The following SGCZ variants were observed in gnomAD, a reference collection of about 807,000 sequenced individuals.
SGCZ encodes sarcoglycan zeta, also known as zeta-sarcoglycan.
A neutral mutation model predicts 41.3 loss-of-function variants in SGCZ; 40 were observed. The observed-to-expected ratio is 0.97, with a 90% CI of 0.75 to 1.26. SGCZ has a LOEUF of 1.26. Among genes scored for constraint, SGCZ ranks in the 50% most tolerant of loss-of-function variants. SGCZ has a pLI of 0.00. For synonymous variants in SGCZ, 206 were observed against 137.5 expected (o/e 1.50, Z -3.49); for missense variants, 552 against 369.8 (o/e 1.49, Z -4.04).
At chr8:14,576,922 T>A (rs1026453020) in intron 1 of SGCZ, among the ~76,000 whole-genome samples, 1 of 152,200 alleles carries the variant, frequency 6.6e-6, no homozygotes, top group Non-Finnish European at 1.5e-5. Context: ...ATGCTCAATT[T>A]GATTACCCGT....
chr8:14,361,632 G>A (rs192165244), intron 2 of SGCZ, among the ~76,000 whole-genome samples: 304 of 152,180 alleles, frequency 2.0e-3, no homozygotes, highest in African/African-American at 6.6e-3. Context: ...AACATGCTCC[G>A]TTAGCTCAGA....
intron 2 of SGCZ, among the ~76,000 whole-genome samples, chr8:14,525,964 G>A (rs1385039301): frequency 6.6e-6 from 1 of 151,714 alleles, no homozygotes; most frequent in African/African-American, 2.4e-5. Flanking sequence ...GATAGTCTAA[G>A]CAAACCTTCA....
At chr8:15,198,924 T>C (rs1479278979) in intron 1 of SGCZ, among the ~76,000 whole-genome samples, 1 of 152,238 alleles carries the variant, frequency 6.6e-6, no homozygotes, top group African/African-American at 2.4e-5. Context: ...TGCAGGCTAA[T>C]GGAAGAGCTC....
chr8:14,809,973 A>C (rs566524918), intron 1 of SGCZ, among the ~76,000 whole-genome samples: 146 of 152,222 alleles, frequency 9.6e-4, no homozygotes, highest in Non-Finnish European at 1.8e-3. Context: ...TCCTTATTTT[A>C]AGAAACTCAA....
rs1412192361 is a variant in SGCZ at position 14,807,264 on chromosome 8, C to G, written c.40-252338G>C. On this transcript the variant is annotated intron_variant, in intron 1 of 7. Transcript: ENST00000382080. Reference sequence around the variant, plus strand: ...GCAGGAGAAAGAAATAAAGGGTATTCAATTAGGAAAAGAGCAAGTCAAATT... The same window carrying G: ...GCAGGAGAAAGAAATAAAGGGTATTGAATTAGGAAAAGAGCAAGTCAAATT... Among the ~76,000 whole-genome samples the G allele has an allele frequency of 5.9e-5, 9 of 152,146 alleles. No individual in the cohort carries two copies. In the East Asian group the frequency reaches 1.4e-3, roughly 23 times the overall value.
chr8:14,867,805 C>T (rs1446558302), intron 1 of SGCZ, among the ~76,000 whole-genome samples: 1 of 151,710 alleles, frequency 6.6e-6, no homozygotes, highest in Non-Finnish European at 1.5e-5. Context: ...GGAAAAATAA[C>T]TAATAGATAC....
rs1215531169 is a variant in SGCZ, at chr8:15,214,661, G to A, written c.39+22924C>T. On this transcript the variant is annotated intron_variant, in intron 1 of 7. Transcript: ENST00000382080. Reference sequence around the variant, plus strand: ...GTTCCCTGAATCGTGGGGAGCTCACGTTACAATTTATCTTCCTAAGGGAGG... The same window carrying A: ...GTTCCCTGAATCGTGGGGAGCTCACATTACAATTTATCTTCCTAAGGGAGG... Among the ~76,000 whole-genome samples the A allele has an allele frequency of 3.9e-5, 6 of 152,214 alleles. No individual in the cohort carries two copies. In the East Asian group the frequency reaches 1.2e-3, roughly 29 times the overall value.
intron 2 of SGCZ, among the ~76,000 whole-genome samples, chr8:14,325,948 T>C (rs765204104): frequency 6.8e-6 from 1 of 147,112 alleles, no homozygotes; most frequent in South Asian, 2.1e-4. Flanking sequence ...CTGTCTCTAC[T>C]AAAAATACAA....
rs185868531 is a variant in SGCZ at position 14,560,366 on chromosome 8, C to A, written c.40-5440G>T. On this transcript the variant is annotated intron_variant, in intron 1 of 7. Transcript: ENST00000382080. ...TATATATGTATAAATTTTTAAAAAG[C>A]AGAATTTTAAAAATGAAGATTAAAG... is the stretch of plus-strand genomic sequence containing the variant. 4.0e-5 allele frequency among the ~76,000 whole-genome samples: 6 copies of A among 151,728 alleles called. No individual in the cohort carries two copies. The East Asian group carries it at 9.7e-4, about 25-fold the overall frequency.
intron 5 of SGCZ, among the ~76,000 whole-genome samples, chr8:14,149,960 C>A (rs1328405725): frequency 2.0e-5 from 3 of 152,100 alleles, no homozygotes; most frequent in African/African-American, 7.2e-5. Flanking sequence ...ATTGGGATAA[C>A]TGGATATCCA....
intron 1 of SGCZ, among the ~76,000 whole-genome samples, chr8:14,899,625 G>A (rs1255229202): frequency 1.3e-5 from 2 of 152,110 alleles, no homozygotes; most frequent in East Asian, 1.9e-4. Context: ...GTAAATTGCT[G>A]TGCTAGGTTC....
Position 14,988,430 on chromosome 8 carries a change from G to C in SGCZ, c.39+249155C>G, listed in dbSNP as rs868363993. Among the ~76,000 whole-genome samples the C allele has an allele frequency of 9.2e-5, 14 of 151,892 alleles. No homozygotes were observed. In the Middle Eastern group the frequency reaches 0.01, roughly 111 times the overall value. Reference sequence around the variant, plus strand: ...ACATCTCTTCCTTAGTGTTTCTATAGAAACTTGTATTTGCTAGTGCTGTCT... The same window carrying C: ...ACATCTCTTCCTTAGTGTTTCTATACAAACTTGTATTTGCTAGTGCTGTCT... On this transcript the variant is annotated intron_variant, in intron 1 of 7. Coordinates refer to ENST00000382080, the MANE Select transcript of SGCZ (RefSeq NM_139167.4).
At chr8:15,110,060 T>A (rs1187338360) in intron 1 of SGCZ, among the ~76,000 whole-genome samples, 1 of 152,190 alleles carries the variant, frequency 6.6e-6, no homozygotes, top group Non-Finnish European at 1.5e-5. Context: ...TTCAGAGACA[T>A]TTTATCATTT....
intron 2 of SGCZ, among the ~76,000 whole-genome samples, chr8:14,520,362 C>A: frequency 6.6e-6 from 1 of 152,150 alleles, no homozygotes; most frequent in Non-Finnish European, 1.5e-5. Context: ...TAGCTCATAC[C>A]AGCCCAGTAA....
intron 4 of SGCZ, among the ~76,000 whole-genome samples, chr8:14,200,649 T>G (rs1805424673): frequency 6.6e-6 from 1 of 152,168 alleles, no homozygotes; most frequent in Non-Finnish European, 1.5e-5. Context: ...CAAAACATGC[T>G]GGAATATATA....
At chr8:14,961,406 G>C (rs1337394087) in intron 1 of SGCZ, among the ~76,000 whole-genome samples, 3 of 152,046 alleles carry the variant, frequency 2.0e-5, no homozygotes, top group Non-Finnish European at 4.4e-5. Flanking sequence ...GTGTATTACA[G>C]TAGATTCTCA....
intron 1 of SGCZ, among the ~76,000 whole-genome samples, chr8:14,929,576 T>C (rs771597552): frequency 6.6e-6 from 1 of 151,740 alleles, no homozygotes; most frequent in Non-Finnish European, 1.5e-5. Context: ...AAATATAATT[T>C]TGGTAACTTA....
chr8:14,344,905 G>A (rs1172791695), intron 2 of SGCZ, among the ~76,000 whole-genome samples: 2 of 151,964 alleles, frequency 1.3e-5, no homozygotes, highest in Non-Finnish European at 1.5e-5. Context: ...ATTGCAGAGG[G>A]TTTCTAATGA....
chr8:14,578,803 A>G (rs1031042488), intron 1 of SGCZ, among the ~76,000 whole-genome samples: 1 of 152,214 alleles, frequency 6.6e-6, no homozygotes, highest in African/African-American at 2.4e-5. Context: ...ATAGTCATTA[A>G]GACATTGTCT....
Sources: allele counts gnomAD v4.1 joint callset (sites outside exome capture counted in the v4.1 genomes callset), GRCh38; gene constraint gnomAD v4.1.1; transcripts MANE v1.5; gene names NCBI Gene and HGNC (gene_info 2026-07-23, HGNC 2026-07-21).